Variants in CNTNAP2 observed in about 807,000 individuals in gnomAD.
CNTNAP2 encodes contactin associated protein 2, also known as contactin-associated protein-like 2.
Under a neutral mutation model 155.2 loss-of-function variants are expected in CNTNAP2, and 98 were observed. The ratio of observed to expected loss-of-function variants is 0.63; its 90% CI spans 0.54 to 0.75. CNTNAP2 has a LOEUF of 0.75. Among genes scored for constraint, CNTNAP2 ranks in the 30% least tolerant of loss-of-function variants. The pLI is 0.00. For synonymous variants in CNTNAP2, 651 were observed against 631.2 expected, an observed-to-expected ratio of 1.03 and a Z score of -0.47; for missense variants, 1,727 against 1,688.1, an observed-to-expected ratio of 1.02 and a Z score of -0.40.
rs147158371 is a variant in CNTNAP2, at chr7:146,525,297, C to T, written c.98-248974C>T. 4.6e-3 allele frequency among the ~76,000 whole-genome samples: 677 copies of T among 146,104 alleles called. 1 individual carries two copies. The highest frequency in any genetic ancestry group is 0.016 in the African/African-American group (563 of 36,032). On this transcript the variant is annotated intron_variant, in intron 1 of 23. Coordinates refer to ENST00000361727, the MANE Select transcript of CNTNAP2 (RefSeq NM_014141.6). Reference sequence around the variant, plus strand: ...AAGTTTTTTTCTAGTGACTTGTTTTCGAAACAACGCCACTTACATATTTTC... The same window carrying T: ...AAGTTTTTTTCTAGTGACTTGTTTTTGAAACAACGCCACTTACATATTTTC...
chr7:147,006,451 G>T (rs1037549034), intron 3 of CNTNAP2, among the ~76,000 whole-genome samples: 17 of 151,772 alleles, frequency 1.1e-4, no homozygotes, highest in Admixed American at 1.1e-3. Flanking sequence ...AGCTTTTCTG[G>T]TGTCTGCCAT....
chr7:146,869,439 C>G (rs924513161), intron 3 of CNTNAP2, among the ~76,000 whole-genome samples: 2 of 151,986 alleles, frequency 1.3e-5, no homozygotes, highest in Non-Finnish European at 2.9e-5. Flanking sequence ...TCAGGATTCT[C>G]TAGAGGGACA....
intron 10 of CNTNAP2, among the ~76,000 whole-genome samples, chr7:147,397,509 T>G (rs917472195): frequency 2.0e-5 from 3 of 152,052 alleles, no homozygotes; most frequent in Non-Finnish European, 4.4e-5. Flanking sequence ...CTAGGTAATA[T>G]GTTGCTGTTT....
intron 21 of CNTNAP2, among the ~76,000 whole-genome samples, chr7:148,293,369 C>T (rs1742782460): frequency 6.6e-6 from 1 of 152,122 alleles, no homozygotes; most frequent in African/African-American, 2.4e-5. Context: ...GGATATGTCT[C>T]TCAGTTTTAC....
intron 1 of CNTNAP2, among the ~76,000 whole-genome samples, chr7:146,581,307 G>A (rs1798607359): frequency 6.6e-6 from 1 of 152,050 alleles, no homozygotes; most frequent in South Asian, 2.1e-4. Flanking sequence ...ACAGGTGATA[G>A]AAAGGTCAGA....
Position 146,589,743 on chromosome 7 carries a change from AT to A in CNTNAP2, c.98-184527del, listed in dbSNP as rs71525960. Among the ~76,000 whole-genome samples the A allele has an allele frequency of 2.0e-3, 237 of 116,660 alleles. 1 individual carries two copies. The highest frequency in any genetic ancestry group is 5.4e-3 in the African/African-American group (196 of 36,630). 76.5% of individuals were successfully genotyped at this position (116,660 alleles called of 152,430 possible). A position where few individuals can be genotyped will look rare whatever the true frequency, so the allele number is the denominator to read the frequency against. On this transcript the variant is annotated intron_variant, in intron 1 of 23. Transcript: ENST00000361727. ...GCACATGTATCCCAGAATGTAGAGT[AT>A]AAAAAAAAAAGCCCCCAAATATATA... is the stretch of plus-strand genomic sequence containing the variant.
At chr7:146,640,823 A>G (rs888303390) in intron 1 of CNTNAP2, among the ~76,000 whole-genome samples, 2 of 152,170 alleles carry the variant, frequency 1.3e-5, no homozygotes, top group South Asian at 4.1e-4. Context: ...GCAAAGGAAA[A>G]TAATAAATAG....
chr7:146,275,013 G>T (rs1800142239), intron 1 of CNTNAP2, among the ~76,000 whole-genome samples: 2 of 152,088 alleles, frequency 1.3e-5, no homozygotes, highest in Non-Finnish European at 2.9e-5. Flanking sequence ...TAAGCTATTT[G>T]CCCTCTATAG....
intron 1 of CNTNAP2, among the ~76,000 whole-genome samples, chr7:146,238,873 C>G (rs1412794245): frequency 6.6e-6 from 1 of 152,120 alleles, no homozygotes. Flanking sequence ...ACAAAACCAT[C>G]AGATCTTGTG....
chr7:147,317,752 CA>C (rs1426457957), intron 9 of CNTNAP2, among the ~76,000 whole-genome samples: 1 of 148,002 alleles, frequency 6.8e-6, no homozygotes, highest in African/African-American at 2.5e-5. Flanking sequence ...GCTTAAACTT[CA>C]AAAAAAGGAT....
intron 8 of CNTNAP2, among the ~76,000 whole-genome samples, chr7:147,174,753 G>A (rs1345475029): frequency 6.6e-6 from 1 of 152,072 alleles, no homozygotes; most frequent in Non-Finnish European, 1.5e-5. Context: ...GATACATCAA[G>A]AGAGAATATG....
At chr7:148,225,576 G>A (rs1449814095) in intron 19 of CNTNAP2, among the ~76,000 whole-genome samples, 1 of 152,204 alleles carries the variant, frequency 6.6e-6, no homozygotes, top group Non-Finnish European at 1.5e-5. Context: ...CTGAGACGGG[G>A]AGTTACTGGG....
At chr7:146,530,918 G>A (rs565534864) in intron 1 of CNTNAP2, among the ~76,000 whole-genome samples, 50 of 152,234 alleles carry the variant, frequency 3.3e-4, no homozygotes, top group South Asian at 1.2e-3. Flanking sequence ...AAAGGCACAC[G>A]CACACATATG....
At chr7:148,044,607 A>T (rs530057759) in intron 15 of CNTNAP2, 1 of 152,264 alleles carries the variant, frequency 6.6e-6, no homozygotes, top group East Asian at 1.9e-4. Flanking sequence ...ATGTGAGGAC[A>T]CTGCTGGAAG....
Position 148,417,371 on chromosome 7 carries a change from G to A in CNTNAP2, c.*1755G>A, listed in dbSNP as rs1800018490. On this transcript the variant is annotated 3_prime_UTR_variant, in exon 24 of 24. Transcript: ENST00000361727. ...ACACCAGTACAGAGCACATTCCAAA[G>A]GAGACATTGGACCAGTTAATTCCCA... The A allele has an allele frequency of 6.6e-6, 1 of 152,586 alleles. No homozygotes were observed. The highest frequency in any genetic ancestry group is 2.1e-4 in the South Asian group (1 of 4,824). 9.5% of individuals were successfully genotyped at this position (152,586 alleles called of 1,614,324 possible).
intron 13 of CNTNAP2, among the ~76,000 whole-genome samples, chr7:147,699,527 C>T (rs2117002381): frequency 6.6e-6 from 1 of 151,930 alleles, no homozygotes; most frequent in East Asian, 1.9e-4. Flanking sequence ...TGCAGCAAAC[C>T]ATCATGGCAT....
intron 10 of CNTNAP2, among the ~76,000 whole-genome samples, chr7:147,480,279 G>T (rs1798398252): frequency 6.6e-6 from 1 of 152,142 alleles, no homozygotes; most frequent in Non-Finnish European, 1.5e-5. Context: ...TAAATAATGG[G>T]CCAATCATTT....
At chr7:146,848,412 A>G (rs1310893251) in intron 3 of CNTNAP2, among the ~76,000 whole-genome samples, 1 of 152,246 alleles carries the variant, frequency 6.6e-6, no homozygotes. Flanking sequence ...GGCTAGGGAT[A>G]AACAGACCAA....
chr7:147,533,462 G>T (rs1419417795), intron 11 of CNTNAP2, among the ~76,000 whole-genome samples: 2 of 152,016 alleles, frequency 1.3e-5, no homozygotes, highest in African/African-American at 4.8e-5. Context: ...TACTTATTGT[G>T]TATACTCTTT....
Sources: gnomAD v4.1 joint callset for allele counts (sites outside exome capture counted in the v4.1 genomes callset) on GRCh38, gnomAD v4.1.1 for gene constraint, MANE v1.5 for transcripts, NCBI Gene and HGNC (gene_info 2026-07-23, HGNC 2026-07-21) for gene names.